The following ARHGAP26 variants were observed in gnomAD, a reference collection of about 807,000 sequenced individuals.
ARHGAP26 encodes the protein Rho GTPase activating protein 26.
In ARHGAP26, 38 loss-of-function variants were observed where a neutral mutation model predicts 104.8. The observed-to-expected ratio is 0.36, with a 90% confidence interval of 0.28 to 0.48. The LOEUF is 0.48. Among genes scored for constraint, ARHGAP26 ranks in the 20% least tolerant of loss-of-function variants. The pLI, the probability that ARHGAP26 is intolerant of heterozygous loss-of-function variation, is 0.99. For missense variants in ARHGAP26, 704 were observed against 947.9 expected (o/e 0.74, Z 3.38); for synonymous variants, 341 against 340.0 (o/e 1.00, Z -0.03).
chr5:142,786,633 A>G (rs970575604), intron 1 of ARHGAP26, among the ~76,000 whole-genome samples: 2 of 151,122 alleles, frequency 1.3e-5, no homozygotes, highest in African/African-American at 4.9e-5. Context: ...ATGACGTGAA[A>G]CAGATTTCTG....
chr5:142,934,303 T>C lies in ARHGAP26; in HGVS notation c.1107+2178T>C, dbSNP rs3776396. Among the ~76,000 whole-genome samples the C allele has an allele frequency of 2.6e-3, 396 of 152,330 alleles. 9 individuals are homozygous for C. The East Asian group carries it at 0.042, about 16-fold the overall frequency. Reference sequence around the variant, plus strand: ...AAGTGTGCTGTTGAAAGAAACATCTTCTTGCTCCAGAATGTACAAATGAAA... The same window carrying C: ...AAGTGTGCTGTTGAAAGAAACATCTCCTTGCTCCAGAATGTACAAATGAAA... On this transcript the variant is annotated intron_variant, in intron 11 of 22. Transcript: ENST00000645722.
At chr5:143,110,253 A>T (rs546800104) in intron 17 of ARHGAP26, among the ~76,000 whole-genome samples, 3 of 152,336 alleles carry the variant, frequency 2.0e-5, no homozygotes, top group African/African-American at 4.8e-5. Flanking sequence ...AAAAGAATGT[A>T]AGCTTCTCTA....
At chr5:142,883,160 G>A (rs17208950) in intron 4 of ARHGAP26, among the ~76,000 whole-genome samples, 4,314 of 152,290 alleles carry the variant, frequency 0.028, 77 homozygotes, top group South Asian at 0.055. Flanking sequence ...AACATGGAAT[G>A]TGGAGGCACA....
At chr5:142,819,630 A>G (rs1765741198) in intron 1 of ARHGAP26, among the ~76,000 whole-genome samples, 1 of 152,224 alleles carries the variant, frequency 6.6e-6, no homozygotes, top group Admixed American at 6.5e-5. Flanking sequence ...AAGAGTAGTC[A>G]TATATAGGTG....
chr5:143,199,410 T>C (rs1271313640), intron 20 of ARHGAP26, among the ~76,000 whole-genome samples: 2 of 152,260 alleles, frequency 1.3e-5, no homozygotes, highest in Non-Finnish European at 2.9e-5. Flanking sequence ...AATTTACCAC[T>C]GTTCCTTTTG....
chr5:143,030,593 T>C (rs1781701885), intron 12 of ARHGAP26, among the ~76,000 whole-genome samples: 1 of 149,054 alleles, frequency 6.7e-6, no homozygotes, highest in Non-Finnish European at 1.5e-5. Context: ...TTAACCTTTA[T>C]ATCATCACAA....
chr5:142,881,274 G>A (rs1277822192), intron 4 of ARHGAP26, among the ~76,000 whole-genome samples: 1 of 152,176 alleles, frequency 6.6e-6, no homozygotes, highest in African/African-American at 2.4e-5. Flanking sequence ...CTCCTTCTGA[G>A]CACAGATGCC....
At chr5:143,002,715 G>T (rs1043619805) in intron 11 of ARHGAP26, among the ~76,000 whole-genome samples, 2 of 152,118 alleles carry the variant, frequency 1.3e-5, no homozygotes, top group Non-Finnish European at 2.9e-5. Flanking sequence ...TTTCTGACTT[G>T]TACATTACTT....
intron 1 of ARHGAP26, among the ~76,000 whole-genome samples, chr5:142,808,748 G>A (rs1211667294): frequency 6.6e-6 from 1 of 152,054 alleles, no homozygotes; most frequent in Non-Finnish European, 1.5e-5. Context: ...CTAGGGTTGA[G>A]CTCCAAGATG....
chr5:142,849,072 T>TAAAAAAA (rs1751010663), intron 1 of ARHGAP26, among the ~76,000 whole-genome samples: 2 of 152,368 alleles, frequency 1.3e-5, no homozygotes, highest in African/African-American at 4.8e-5. Context: ...AACTCTAACT[T>TAAAAAAA]GATTTTTTAT....
chr5:143,129,983 T>C (rs1201462115), intron 18 of ARHGAP26, among the ~76,000 whole-genome samples: 1 of 152,212 alleles, frequency 6.6e-6, no homozygotes, highest in Non-Finnish European at 1.5e-5. Context: ...CTCCAAAGCC[T>C]GTTTGCTTTG....
intron 11 of ARHGAP26, among the ~76,000 whole-genome samples, chr5:143,013,430 G>C (rs1322394913): frequency 6.6e-6 from 1 of 151,802 alleles, no homozygotes; most frequent in African/African-American, 2.4e-5. Context: ...TTTCTTTATT[G>C]GGGTACTTTC....
chr5:142,977,960 G>A (rs757559881), intron 11 of ARHGAP26, among the ~76,000 whole-genome samples: 5 of 152,196 alleles, frequency 3.3e-5, no homozygotes, highest in Non-Finnish European at 7.3e-5. Flanking sequence ...CCCATGGCTG[G>A]GATGGTTGAC....
intron 11 of ARHGAP26, among the ~76,000 whole-genome samples, chr5:142,953,710 A>G (rs1377624301): frequency 6.6e-6 from 1 of 152,164 alleles, no homozygotes; most frequent in African/African-American, 2.4e-5. Context: ...GTGAGGTAAA[A>G]CTTATGGAGT....
intron 5 of ARHGAP26, among the ~76,000 whole-genome samples, chr5:142,888,016 A>G (rs1451759546): frequency 6.6e-6 from 1 of 152,180 alleles, no homozygotes; most frequent in Non-Finnish European, 1.5e-5. Context: ...AAGAACAGTG[A>G]TGATATTACT....
chr5:143,196,476 C>A (rs1396275658), intron 20 of ARHGAP26, among the ~76,000 whole-genome samples: 1 of 152,160 alleles, frequency 6.6e-6, no homozygotes, highest in South Asian at 2.1e-4. Context: ...ATCACCTGAT[C>A]AGTACACCAC....
intron 17 of ARHGAP26, among the ~76,000 whole-genome samples, chr5:143,116,002 G>GA (rs5871835): frequency 0.23 from 35,560 of 152,250 alleles, 7,485 homozygotes; most frequent in African/African-American, 0.55. Context: ...AAATAGAATC[G>GA]ACAGGATAAG....
intron 9 of ARHGAP26, among the ~76,000 whole-genome samples, chr5:142,911,927 A>G (rs934833505): frequency 6.6e-5 from 10 of 152,234 alleles, no homozygotes; most frequent in African/African-American, 2.4e-4. Flanking sequence ...TGTGAATATA[A>G]ACTGTCTCCT....
intron 7 of ARHGAP26, among the ~76,000 whole-genome samples, chr5:142,902,728 ATAGTAG>A (rs1760540727): frequency 1.3e-5 from 2 of 152,356 alleles, no homozygotes; most frequent in African/African-American, 4.8e-5. Context: ...TGGAGGTTAC[ATAGTAG>A]TCAGTGTTGT....
Sources: allele counts gnomAD v4.1 joint callset (sites outside exome capture counted in the v4.1 genomes callset), GRCh38; gene constraint gnomAD v4.1.1; transcripts MANE v1.5; gene names NCBI Gene and HGNC (gene_info 2026-07-23, HGNC 2026-07-21).